The following COL22A1 variants were observed in gnomAD, a reference collection of about 807,000 sequenced individuals.
COL22A1 encodes collagen alpha-1(XXII) chain.
Under a neutral mutation model 248.9 loss-of-function variants are expected in COL22A1, and 221 were observed. That is an observed-to-expected ratio of 0.89 (90% CI 0.80 to 0.99). The LOEUF (loss-of-function observed/expected upper bound fraction) is 0.99. Ranked by LOEUF, COL22A1 falls within the 50% of genes least tolerant of loss-of-function variation. The probability of loss-of-function intolerance (pLI) is 0.00; values close to 1 mark genes in which losing one functional copy is unlikely to be tolerated. For synonymous variants in COL22A1, 891 were observed against 793.4 expected (o/e 1.12, Z -2.07); for missense variants, 2,240 against 2,179.0 (o/e 1.03, Z -0.56).
intron 30 of COL22A1, among the ~76,000 whole-genome samples, chr8:138,704,912 T>C (rs1828286931): frequency 6.6e-6 from 1 of 152,090 alleles, no homozygotes; most frequent in Admixed American, 6.5e-5. Flanking sequence ...CTAACTAGAA[T>C]AAACAGCATA....
rs1170560592 is a variant in COL22A1 at position 138,826,794 on chromosome 8, G to T, written c.846-13C>A. The T allele has an allele frequency of 6.2e-7, 1 of 1,613,714 alleles. No homozygotes were observed. Among genetic ancestry groups the T allele is most frequent in the Non-Finnish European group, 8.5e-7 (1 of 1,179,808 alleles). On this transcript the variant is annotated splice_polypyrimidine_tract_variant and intron_variant, in intron 5 of 64. Transcript: ENST00000303045. ...GGGGAACACATCCCTGGAGAAAAAT[G>T]GAGACAAAGACACCAGGCTTGGCGA...
At chr8:138,822,417 G>A (rs1819222087) in intron 6 of COL22A1, among the ~76,000 whole-genome samples, 1 of 152,164 alleles carries the variant, frequency 6.6e-6, no homozygotes, top group Non-Finnish European at 1.5e-5. Flanking sequence ...CATCCCTCCA[G>A]AATAGTCACC....
chr8:138,762,425 GTCCCCAGGC>G lies in COL22A1; in HGVS notation c.1836_1844del (p.Lys612_Asp615delinsAsn), dbSNP rs754195484. The G allele has an allele frequency of 1.2e-5, 20 of 1,614,082 alleles. No individual in the cohort carries two copies. Among genetic ancestry groups the G allele is most frequent in the Non-Finnish European group, 1.6e-5 (19 of 1,179,990 alleles). On this transcript the variant is annotated inframe_deletion, in exon 17 of 65. Transcript: ENST00000303045. ...AGCACCCACCTACCTGCTGTCCTGT[GTCCCCAGGC>G]TTCCCAGGGAATCCATCCAGGCCTC...
chr8:138,900,829 G>C (rs750083379), intron 1 of COL22A1, among the ~76,000 whole-genome samples: 4 of 152,228 alleles, frequency 2.6e-5, no homozygotes, highest in South Asian at 2.1e-4. Context: ...ACTTTCTAGA[G>C]AGAGAAGGGA....
At chr8:138,775,075 C>T (rs1352768467) in intron 16 of COL22A1, among the ~76,000 whole-genome samples, 1 of 152,168 alleles carries the variant, frequency 6.6e-6, no homozygotes, top group Non-Finnish European at 1.5e-5. Context: ...AGAACAAGTT[C>T]CTATGGAACT....
intron 41 of COL22A1, among the ~76,000 whole-genome samples, chr8:138,664,322 T>C (rs575016161): frequency 7.9e-5 from 12 of 151,344 alleles, no homozygotes; most frequent in Non-Finnish European, 2.9e-5. Context: ...CAAGACAAAA[T>C]TTGGCTTCTA....
intron 3 of COL22A1, among the ~76,000 whole-genome samples, chr8:138,858,010 C>A (rs1822170806): frequency 6.6e-6 from 1 of 152,248 alleles, no homozygotes; most frequent in South Asian, 2.1e-4. Context: ...GCTTTGCCCT[C>A]TGTCTTTGAT....
At position 138,764,738 on chromosome 8, in the gene COL22A1, C is replaced by T. The variant is rs541749508; in HGVS notation, c.1804-2272G>A. Among the ~76,000 whole-genome samples the T allele has an allele frequency of 2.2e-4, 33 of 152,312 alleles. 2 individuals carry two copies. Among genetic ancestry groups the T allele is most frequent in the African/African-American group, 7.9e-4 (33 of 41,576 alleles). On this transcript the variant is annotated intron_variant, in intron 16 of 64. Coordinates refer to ENST00000303045, the MANE Select transcript of COL22A1 (RefSeq NM_152888.3). ...CTTTGGGAGGCTGAGGCAGGCAAAT[C>T]ACCTGAGGTCAGGAGTTCAAGACCA... is the stretch of plus-strand genomic sequence containing the variant.
chr8:138,628,760 C>CTTTTTTT (rs56318714), intron 50 of COL22A1, among the ~76,000 whole-genome samples: 1 of 124,290 alleles, frequency 8.0e-6, no homozygotes, highest in African/African-American at 3.9e-5. Context: ...AGATCCACAT[C>CTTTTTTT]TTTTTTTTTT....
At chr8:138,870,269 T>C (rs1354603914) in intron 3 of COL22A1, among the ~76,000 whole-genome samples, 2 of 151,754 alleles carry the variant, frequency 1.3e-5, no homozygotes, top group Non-Finnish European at 2.9e-5. Flanking sequence ...GCTGTTTGTA[T>C]ATGTGGTGTG....
At position 138,805,317 on chromosome 8, in the gene COL22A1, GTGTGTGATGGTGTGGC is replaced by G. The variant is rs1269503281; in HGVS notation, c.1495-2399_1495-2384del. On this transcript the variant is annotated intron_variant, in intron 10 of 64. Coordinates refer to ENST00000303045, the MANE Select transcript of COL22A1 (RefSeq NM_152888.3). ...GGTGGTGTGGGATGGTGTTTGGTGT[GTGTGTGATGGTGTGGC>G]TGTGTGATGGTGTGGATGTGTGATG... Among the ~76,000 whole-genome samples the G allele has an allele frequency of 2.0e-4, 19 of 96,214 alleles. No homozygotes were observed. The South Asian group carries it at 4.6e-3, about 23-fold the overall frequency. The allele number at this position is 96,214 out of a possible 152,430, so 63.1% of individuals were successfully genotyped here. A position where few individuals can be genotyped will look rare whatever the true frequency, so the allele number is the denominator to read the frequency against.
chr8:138,868,799 C>T (rs369323134), intron 3 of COL22A1, among the ~76,000 whole-genome samples: 13 of 151,540 alleles, frequency 8.6e-5, no homozygotes, highest in African/African-American at 2.9e-4. Flanking sequence ...GGCACAATCT[C>T]GGCTCACTGC....
chr8:138,643,651 C>CAGACAGATAGATAGAT (rs1554728513), intron 47 of COL22A1, among the ~76,000 whole-genome samples: 4 of 146,552 alleles, frequency 2.7e-5, no homozygotes, highest in African/African-American at 1.1e-4. Context: ...GATAGATAGA[C>CAGACAGATAGATAGAT]AGATAGATAG....
chr8:138,838,264 C>T (rs1363294779), intron 4 of COL22A1, among the ~76,000 whole-genome samples: 1 of 152,110 alleles, frequency 6.6e-6, no homozygotes, highest in Non-Finnish European at 1.5e-5. Flanking sequence ...TCCCTGGAGG[C>T]TCATGGGGAG....
chr8:138,893,806 C>A (rs1586983867), intron 1 of COL22A1, among the ~76,000 whole-genome samples: 1 of 152,142 alleles, frequency 6.6e-6, no homozygotes, highest in Non-Finnish European at 1.5e-5. Flanking sequence ...GAGCTTGCAG[C>A]CTAATGGACA....
chr8:138,811,464 AAATCCTC>A (rs2131695986), intron 9 of COL22A1, among the ~76,000 whole-genome samples: 1 of 152,252 alleles, frequency 6.6e-6, no homozygotes, highest in South Asian at 2.1e-4. Context: ...AAGCACATAG[AAATCCTC>A]ACTCACTGTC....
chr8:138,669,017 G>A (rs1000279909), intron 41 of COL22A1, among the ~76,000 whole-genome samples: 1 of 152,204 alleles, frequency 6.6e-6, no homozygotes, highest in African/African-American at 2.4e-5. Flanking sequence ...TCTGTGCTCA[G>A]AGAGCAGCAG....
chr8:138,757,150 A>T (rs1272859507), intron 18 of COL22A1, among the ~76,000 whole-genome samples: 1 of 152,202 alleles, frequency 6.6e-6, no homozygotes, highest in Non-Finnish European at 1.5e-5. Flanking sequence ...GAACATGAAG[A>T]TCTCCATACA....
chr8:138,698,418 G>A (rs1296394965), intron 32 of COL22A1, among the ~76,000 whole-genome samples: 1 of 152,232 alleles, frequency 6.6e-6, no homozygotes, highest in Non-Finnish European at 1.5e-5. Flanking sequence ...ATGGACACAG[G>A]TGCCACTCCC....
Sources: allele counts gnomAD v4.1 joint callset (sites outside exome capture counted in the v4.1 genomes callset), GRCh38; gene constraint gnomAD v4.1.1; transcripts MANE v1.5; gene names NCBI Gene and HGNC (gene_info 2026-07-23, HGNC 2026-07-21).